TST: variants seen among roughly 807,000 people sequenced by gnomAD.
TST encodes the protein epididymis secretory sperm binding protein.
TST carries 22 observed loss-of-function variants against 20.4 expected under a neutral mutation model. That is an observed-to-expected ratio of 1.08 (90% confidence interval 0.77 to 1.54). The LOEUF is 1.54. Ranked by LOEUF, TST falls within the 40% of genes most tolerant of loss-of-function variation. The pLI is 0.00. For synonymous variants in TST, 187 were observed against 173.8 expected (o/e 1.08, Z -0.60); for missense variants, 392 against 405.2 (o/e 0.97, Z 0.28).
chr22:37,016,664 A>G (rs1384592854), intron 2 of TST, among the ~76,000 whole-genome samples: 1 of 152,084 alleles, frequency 6.6e-6, no homozygotes, highest in Non-Finnish European at 1.5e-5. Flanking sequence ...CTTAAATCCC[A>G]AGGAGAAGAG....
intron 1 of TST, 144 bp from the exon 2 acceptor site, chr22:37,018,897 G>C: frequency 1.8e-6 from 1 of 567,892 alleles, no homozygotes; most frequent in Non-Finnish European, 2.8e-6. Context: ...AGGCTGGGGC[G>C]TGCAGCGGGA....
intron 2 of TST, 35 bp from the exon 3 acceptor site, chr22:37,011,360 A>ATGAGGGGTGGGGACTAATGGG: frequency 6.3e-7 from 1 of 1,586,878 alleles, no homozygotes; most frequent in Non-Finnish European, 8.6e-7. Flanking sequence ...TAGGGGATGT[A>ATGAGGGGTGGGGACTAATGGG]TGAGGGGTGG....
chr22:37,015,579 C>T (rs1455971134), intron 2 of TST, among the ~76,000 whole-genome samples: 4 of 152,254 alleles, frequency 2.6e-5, no homozygotes, highest in Non-Finnish European at 4.4e-5. Context: ...AAGAGGAAGG[C>T]GCTTGCCTAA....
At position 37,011,074 on chromosome 22, in the gene TST, C is replaced by G. The variant is rs1350179536; in HGVS notation, c.847G>C (p.Ala283Pro). The change falls in exon 3 of 3, where the codon GCC (alanine) becomes CCC (proline). Residue 283 changes from alanine (A) to proline (P), a missense_variant. Physicochemically the swap from Ala to Pro is conservative, Grantham distance 27. Transcript: ENST00000249042. Reference sequence around the variant, plus strand: ...TGGGACACACGGCTCTCTGGGGGGGCCCGGCGAAACCACTCGGACCAGGAG... The same window carrying G: ...TGGGACACACGGCTCTCTGGGGGGGGCCGGCGAAACCACTCGGACCAGGAG... ...DGSWSEWFRR[A>P]PPESRVSQGK... The G allele has an allele frequency of 1.1e-5, 18 of 1,612,034 alleles. No homozygotes were observed. Among genetic ancestry groups the G allele is most frequent in the Admixed American group, 1.7e-5 (1 of 60,004 alleles).
chr22:37,011,940 C>G (rs941364125), intron 2 of TST, among the ~76,000 whole-genome samples: 1 of 152,226 alleles, frequency 6.6e-6, no homozygotes, highest in South Asian at 2.1e-4. Context: ...CCCAGGATTA[C>G]ATCGGGGCCT....
intron 2 of TST, among the ~76,000 whole-genome samples, chr22:37,014,238 T>C (rs1013505676): frequency 5.9e-5 from 9 of 152,044 alleles, no homozygotes; most frequent in African/African-American, 1.9e-4. Flanking sequence ...GGTGTGGTGG[T>C]GGGCACCTGT....
upstream of TST, chr22:37,019,859 A>T: frequency 1.6e-6 from 2 of 1,221,674 alleles, no homozygotes; most frequent in Non-Finnish European, 1.0e-6. Context: ...GGAAGCCGGG[A>T]GTCCGAGACC....
chr22:37,018,609 G>C lies in TST; in HGVS notation c.124C>G (p.Arg42Gly), dbSNP rs1285906718. The C allele has an allele frequency of 3.2e-6, 5 of 1,568,042 alleles. No individual in the cohort carries two copies. In the Admixed American group the frequency reaches 7.6e-5, roughly 24 times the overall value. Reference sequence around the variant, plus strand: ...TCGAGGTACTCCTTGCGGGCCTCTCGGGTGCCTGGTGAGTACCAGGACGCG... The same window carrying C: ...TCGAGGTACTCCTTGCGGGCCTCTCCGGTGCCTGGTGAGTACCAGGACGCG... ...LDASWYSPGT[R>G]EARKEYLERH... Residue 42 changes from arginine (R) to glycine (G), a missense_variant, in exon 2 of 3, where the codon CGA (arginine) becomes GGA (glycine). Arg to Gly is a moderately radical substitution (Grantham distance 125). Coordinates refer to ENST00000249042, the MANE Select transcript of TST (RefSeq NM_003312.6).
At chr22:37,019,630 G>C (rs1922892604), upstream of TST, 2 of 291,986 alleles carry the variant, frequency 6.8e-6, no homozygotes, top group Non-Finnish European at 1.3e-5. Flanking sequence ...GGGGGACGCC[G>C]GGTGGCGCGG....
Position 37,011,290 on chromosome 22 carries a change from T to C in TST, c.631A>G (p.Met211Val). The change falls in exon 3 of 3, where the codon ATG (methionine) becomes GTG (valine). Residue 211 changes from methionine (M) to valine (V), a missense_variant. Met to Val is a conservative substitution (Grantham distance 21). Transcript: ENST00000249042. ...DSGHIRGAVNMPFMDFLTEDG... is the reference protein window; with the variant it reads ...DSGHIRGAVNVPFMDFLTEDG... ...TCAGTCAGGAAGTCCATGAAAGGCA[T>C]GTTGACGGCACCACGGATATGGCCC... 6.2e-7 allele frequency: 1 copy of C among 1,613,480 alleles called. No individual in the cohort carries two copies. The highest frequency in any genetic ancestry group is 8.5e-7 in the Non-Finnish European group (1 of 1,179,798).
At position 37,018,535 on chromosome 22, in the gene TST, G is replaced by C; in HGVS notation, c.198C>G (p.Asp66Glu). ...ASFFDIEECR[D>E]TASPYEMMLP... ...GCATCATCTCGTAGGGCGACGCCGT[G>C]TCCCGGCACTCTTCTATGTCAAAGA... Residue 66 changes from aspartate (D) to glutamate (E), a missense_variant, in exon 2 of 3, where the codon GAC (aspartate) becomes GAG (glutamate). By Grantham distance (45) the Asp-to-Glu change is conservative. Coordinates refer to ENST00000249042, the MANE Select transcript of TST (RefSeq NM_003312.6). The C allele has an allele frequency of 6.3e-7, 1 of 1,583,416 alleles. No individual in the cohort carries two copies. The highest frequency in any genetic ancestry group is 8.6e-7 in the Non-Finnish European group (1 of 1,164,446).
At chr22:37,017,628 A>ACAGACCG (rs58637593) in intron 2 of TST, among the ~76,000 whole-genome samples, 2 of 151,494 alleles carry the variant, frequency 1.3e-5, no homozygotes, top group African/African-American at 4.9e-5. Flanking sequence ...AGGTTATGGA[A>ACAGACCG]CCTTTGCAAA....
At chr22:37,018,979 G>A (rs1022307677) in intron 1 of TST, 1 of 431,940 alleles carries the variant, frequency 2.3e-6, no homozygotes, top group South Asian at 5.9e-5. Context: ...GCGCAGAAGC[G>A]GGTGGGGCAA....
chr22:37,015,011 C>CGGGAGCCACACCATGGAG (rs1922624574), intron 2 of TST, among the ~76,000 whole-genome samples: 1 of 152,064 alleles, frequency 6.6e-6, no homozygotes, highest in Admixed American at 6.6e-5. Context: ...TACAGCAGCC[C>CGGGAGCCACACCATGGAG]GGGAGCCACA....
intron 2 of TST, among the ~76,000 whole-genome samples, chr22:37,016,280 G>A (rs1218418377): frequency 1.3e-5 from 2 of 152,016 alleles, no homozygotes; most frequent in African/African-American, 4.8e-5. Context: ...ATACTCATGT[G>A]GGTAGGGCTG....
chr22:37,017,320 G>T lies in TST; in HGVS notation c.595+818C>A, dbSNP rs867449195. ...CCTGGCCTTCCCTTCCACAGGAGGG[G>T]AACTTCTGAGTCGCCTTCCTGGGGC... On this transcript the variant is annotated intron_variant, in intron 2 of 2. Coordinates refer to ENST00000249042, the MANE Select transcript of TST (RefSeq NM_003312.6). Among the ~76,000 whole-genome samples the T allele has an allele frequency of 2.6e-5, 4 of 152,258 alleles. No individual in the cohort carries two copies. In the Middle Eastern group the frequency reaches 0.014, roughly 518 times the overall value.
chr22:37,012,898 C>T (rs535259863), intron 2 of TST, among the ~76,000 whole-genome samples: 44 of 152,210 alleles, frequency 2.9e-4, no homozygotes, highest in Admixed American at 2.5e-3. Context: ...AAAAATTAGC[C>T]GGGTATGGTG....
intron 2 of TST, 131 bp downstream of exon 2, chr22:37,018,007 G>A: frequency 1.5e-6 from 1 of 678,916 alleles, no homozygotes; most frequent in Admixed American, 3.6e-5. Context: ...TTTTATCGAT[G>A]GAAAGACTGA....
At chr22:37,017,143 T>C (rs1170044471) in intron 2 of TST, among the ~76,000 whole-genome samples, 2 of 152,184 alleles carry the variant, frequency 1.3e-5, no homozygotes, top group Non-Finnish European at 2.9e-5. Context: ...AGGCAGGGAC[T>C]GGAGGGCACT....
Sources: allele counts gnomAD v4.1 joint callset (sites outside exome capture counted in the v4.1 genomes callset), GRCh38; gene constraint gnomAD v4.1.1; transcripts MANE v1.5; gene names NCBI Gene and HGNC (gene_info 2026-07-23, HGNC 2026-07-21).